The following C6orf136 variants were observed in gnomAD, a reference collection of about 807,000 sequenced individuals.
C6orf136 encodes the protein uncharacterized protein C6orf136.
C6orf136 carries 29 observed loss-of-function variants against 44.0 expected under a neutral mutation model. The observed-to-expected ratio is 0.66, with a 90% confidence interval of 0.49 to 0.90. The LOEUF is 0.90. Among genes scored for constraint, C6orf136 ranks in the 40% least tolerant of loss-of-function variants. The pLI is 0.00. For synonymous variants in C6orf136, 293 were observed against 278.6 expected (o/e 1.05, Z -0.52); for missense variants, 628 against 669.3 (o/e 0.94, Z 0.68).
chr6:30,653,013 G>A lies in C6orf136; in HGVS notation c.*98G>A, dbSNP rs1350336818. The A allele has an allele frequency of 2.5e-5, 30 of 1,208,512 alleles. No homozygotes were observed. The highest frequency in any genetic ancestry group is 3.5e-5 in the Non-Finnish European group (29 of 837,332). The allele number at this position is 1,208,512 out of a possible 1,614,324, so 74.9% of individuals were successfully genotyped here. A position where few individuals can be genotyped will look rare whatever the true frequency, so the allele number is the denominator to read the frequency against. On this transcript the variant is annotated 3_prime_UTR_variant, in exon 6 of 6. Coordinates refer to ENST00000651131, the MANE Select transcript of C6orf136 (RefSeq NM_001161376.2). ...TCTCAGGAGCCAGCTTCCTCTCCTCGTTTCTCTCCTTCCTTCCTTTCCATC... is the reference window on the plus strand; with the variant it reads ...TCTCAGGAGCCAGCTTCCTCTCCTCATTTCTCTCCTTCCTTCCTTTCCATC...
intron 3 of C6orf136, 33 bp from the exon 4 acceptor site, chr6:30,651,233 T>C (rs1767378206): frequency 6.2e-7 from 1 of 1,611,866 alleles, no homozygotes; most frequent in Non-Finnish European, 8.5e-7. Flanking sequence ...AATTCTGCCA[T>C]CATGAGATTT....
Position 30,649,575 on chromosome 6 carries a change from G to A in C6orf136, c.633G>A (p.Gly211=). The A allele has an allele frequency of 6.3e-7, 1 of 1,584,040 alleles. No homozygotes were observed. Among genetic ancestry groups the A allele is most frequent in the Non-Finnish European group, 8.5e-7 (1 of 1,172,566 alleles). The change falls in exon 2 of 6, where the codon GGG becomes GGA. Residue 211 remains glycine, a synonymous_variant. Coordinates refer to ENST00000651131, the MANE Select transcript of C6orf136 (RefSeq NM_001161376.2). ...CTCCTTAGGACCAGCTTTATCCAGG[G>A]ACTCTACCATTCCCACCCCTTTGGC... ...PSGTEDQLYP[G]TLPFPPLWPH...
intron 5 of C6orf136, 24 bp downstream of exon 5, chr6:30,652,741 G>C (rs1474740264): frequency 6.2e-7 from 1 of 1,612,682 alleles, no homozygotes; most frequent in African/African-American, 1.3e-5. Context: ...AGGGCTGGGT[G>C]GGGTAAAGGG....
chr6:30,650,101 T>A, intron 2 of C6orf136, 142 bp downstream of exon 2: 1 of 827,098 alleles, frequency 1.2e-6, no homozygotes, highest in Non-Finnish European at 1.8e-6. Flanking sequence ...CCTGAGAAAA[T>A]GATGTTCCAG....
intron 4 of C6orf136, 41 bp downstream of exon 4, chr6:30,651,507 C>CT: frequency 6.7e-7 from 1 of 1,502,358 alleles, no homozygotes; most frequent in Non-Finnish European, 9.0e-7. Context: ...ATAATCAGTT[C>CT]CTTTTTTTTT....
intron 1 of C6orf136, among the ~76,000 whole-genome samples, chr6:30,649,087 G>A (rs971564844): frequency 3.3e-5 from 5 of 152,160 alleles, no homozygotes; most frequent in Non-Finnish European, 5.9e-5. Flanking sequence ...TTGCTCGGCT[G>A]GGCGCGGTGG....
Position 30,651,337 on chromosome 6 carries a change from G to A in C6orf136, c.1178G>A (p.Arg393His), listed in dbSNP as rs888147200. 5.0e-6 allele frequency: 8 copies of A among 1,613,810 alleles called. No individual in the cohort carries two copies. The highest frequency in any genetic ancestry group is 1.7e-5 in the Admixed American group (1 of 59,982). Residue 393 changes from arginine (R) to histidine (H), a missense_variant, in exon 4 of 6, where the codon CGT becomes CAT. This residue lies in a region of C6orf136 where 131 missense variants were observed against 200.1 expected (regional missense o/e 0.65). Transcript: ENST00000651131. ...FLAWNYFAHL[R>H]LEVLQLTRHP... ...GCCTGGAATTATTTTGCACACCTTCGTTTGGAGGTTTTACAGCTGACCCGC... is the reference window on the plus strand; with the variant it reads ...GCCTGGAATTATTTTGCACACCTTCATTTGGAGGTTTTACAGCTGACCCGC...
chr6:30,651,016 CCCA>C lies in C6orf136; in HGVS notation c.1042_1044del (p.His348del). On this transcript the variant is annotated inframe_deletion, in exon 3 of 6. Coordinates refer to ENST00000651131, the MANE Select transcript of C6orf136 (RefSeq NM_001161376.2). ...TAGCTTCCCAAGCTCTTCCTTCAGTCCCACGACTACAGTCTGTATTCCTTGGAT... is the reference window on the plus strand; with the variant it reads ...TAGCTTCCCAAGCTCTTCCTTCAGTCCGACTACAGTCTGTATTCCTTGGAT... The C allele has an allele frequency of 1.9e-6, 3 of 1,613,850 alleles. No homozygotes were observed. The highest frequency in any genetic ancestry group is 3.3e-4 in the Middle Eastern group (2 of 6,062).
At chr6:30,651,202 T>C (rs1767374353) in intron 3 of C6orf136, 64 bp from the exon 4 acceptor site, 2 of 1,595,826 alleles carry the variant, frequency 1.3e-6, no homozygotes, top group Non-Finnish European at 1.7e-6. Flanking sequence ...CCCCATTCCT[T>C]AGAAGCCAGT....
rs1767000603 is a variant in C6orf136 at position 30,647,774 on chromosome 6, C to T, written c.543C>T (p.Pro181=). 3 of 1,544,438 alleles carry T rather than the reference C, an allele frequency of 1.9e-6. No individual in the cohort carries two copies. Among genetic ancestry groups the T allele is most frequent in the Non-Finnish European group, 1.7e-6 (2 of 1,145,230 alleles). The part of the protein sequence containing the change: ...EGRPVCTRFG[P]LRPGWQDGHA... ...GGCCAGTGTGCACCCGGTTCGGGCC[C>T]CTGCGCCCGGGCTGGCAAGATGGCC... The change falls in exon 1 of 6, where the codon CCC becomes CCT. Residue 181 remains proline (P), a synonymous_variant. Coordinates refer to ENST00000651131, the MANE Select transcript of C6orf136 (RefSeq NM_001161376.2). This position sits in a 1 kb window ranked among gnomAD's most constrained non-coding sequence, Gnocchi z 4.8.
intron 2 of C6orf136, 26 bp from the exon 3 acceptor site, chr6:30,650,968 G>T: frequency 6.5e-7 from 1 of 1,539,744 alleles, no homozygotes; most frequent in Non-Finnish European, 9.0e-7. Context: ...TTTCCCACTG[G>T]GTTGATGCCA....
In C6orf136 at chr6:30,652,644, C is replaced by G. The variant is rs961213191; in HGVS notation, c.1308-4C>G. On this transcript the variant is annotated splice_region_variant and splice_polypyrimidine_tract_variant and intron_variant, in intron 4 of 5. Transcript: ENST00000651131. ...CCCTCAGTAAGCCTCCCTCTATTCC[C>G]CAGGACCTATGATGCCTACTCCACT... 2.5e-6 allele frequency: 4 copies of G among 1,612,846 alleles called. No homozygotes were observed. Among genetic ancestry groups the G allele is most frequent in the East Asian group, 2.2e-5 (1 of 44,888 alleles).
chr6:30,647,457 G>C lies in C6orf136; in HGVS notation c.226G>C (p.Gly76Arg), dbSNP rs1766948568. Residue 76 changes from glycine to arginine, a missense_variant, in exon 1 of 6, where the codon GGG becomes CGG. By Grantham distance (125) the Gly-to-Arg change is moderately radical. Transcript: ENST00000651131. This position sits in a 1 kb window ranked among gnomAD's most constrained non-coding sequence, Gnocchi z 4.8. ...TCALQRVDRLGVAGAGGRRCR... is the reference protein window; with the variant it reads ...TCALQRVDRLRVAGAGGRRCR... ...TGCCCTGCAGCGCGTGGACAGGCTAGGGGTCGCGGGAGCGGGAGGGAGGCG... is the reference window on the plus strand; with the variant it reads ...TGCCCTGCAGCGCGTGGACAGGCTACGGGTCGCGGGAGCGGGAGGGAGGCG... 6.7e-7 allele frequency: 1 copy of C among 1,483,686 alleles called. No homozygotes were observed. Among genetic ancestry groups the C allele is most frequent in the Non-Finnish European group, 9.0e-7 (1 of 1,111,476 alleles). The allele number at this position is 1,483,686 out of a possible 1,614,324, so 91.9% of individuals were successfully genotyped here. A position where few individuals can be genotyped will look rare whatever the true frequency, so the allele number is the denominator to read the frequency against.
chr6:30,653,178 A>G lies in C6orf136; in HGVS notation c.*263A>G, dbSNP rs1767614033. ...TTTATTCCAAAAATAATTTTATTTA[A>G]TAGGTATTAAATAATGTATAGAAGG... On this transcript the variant is annotated 3_prime_UTR_variant, in exon 6 of 6. Coordinates refer to ENST00000651131, the MANE Select transcript of C6orf136 (RefSeq NM_001161376.2). 6.5e-7 allele frequency: 1 copy of G among 1,531,484 alleles called. No individual in the cohort carries two copies. Among genetic ancestry groups the G allele is most frequent in the African/African-American group, 1.4e-5 (1 of 71,368 alleles). 94.9% of individuals were successfully genotyped at this position (1,531,484 alleles called of 1,614,324 possible).
In C6orf136 at chr6:30,653,180, A is replaced by G; in HGVS notation, c.*265A>G. On this transcript the variant is annotated 3_prime_UTR_variant, in exon 6 of 6. Transcript: ENST00000651131. The stretch of plus-strand genomic sequence containing the variant: ...TATTCCAAAAATAATTTTATTTAAT[A>G]GGTATTAAATAATGTATAGAAGGAA... The G allele has an allele frequency of 1.3e-6, 2 of 1,532,358 alleles. No homozygotes were observed. The highest frequency in any genetic ancestry group is 2.2e-5 in the Admixed American group (1 of 46,044). The allele number at this position is 1,532,358 out of a possible 1,614,324, so 94.9% of individuals were successfully genotyped here.
rs1321101815 is a variant in C6orf136, at chr6:30,649,901, C to T, written c.959C>T (p.Ser320Leu). The T allele has an allele frequency of 1.2e-6, 2 of 1,614,002 alleles. No homozygotes were observed. Among genetic ancestry groups the T allele is most frequent in the South Asian group, 2.2e-5 (2 of 91,086 alleles). ...GTAHPSPATP[S>L]GDPSMEEHLS... ...GCCCACCCTTCCCCTGCCACCCCGT[C>T]AGGAGATCCTAGTATGGAGGAACAT... The change falls in exon 2 of 6, where the codon TCA becomes TTA. Residue 320 changes from serine to leucine, a missense_variant. Around this residue, in one of 2 missense-constraint regions of C6orf136, gnomAD observed 497 missense variants for 469.2 expected, o/e 1.06. Transcript: ENST00000651131.
In C6orf136 at chr6:30,651,075, C is replaced by G. The variant is rs765292120; in HGVS notation, c.1099C>G (p.Arg367Gly). Residue 367 changes from arginine to glycine, a missense_variant, in exon 3 of 6, where the codon CGT becomes GGT. This residue lies in a region of C6orf136 where 131 missense variants were observed against 200.1 expected (regional missense o/e 0.65). Transcript: ENST00000651131. The stretch of plus-strand genomic sequence containing the variant: ...ATTCATCAATGAGATCCTCAACATA[C>G]GTACCAAGTGAGAATTGGGGCACAG... ...VEFINEILNIRTKGRTWYILS... is the reference protein window; with the variant it reads ...VEFINEILNIGTKGRTWYILS... 4 of 1,613,214 alleles carry G rather than the reference C, an allele frequency of 2.5e-6. No homozygotes were observed. In the East Asian group the frequency reaches 8.9e-5, roughly 36 times the overall value.
rs758269515 is a variant in C6orf136 at position 30,650,256 on chromosome 6, TGGTG to T, written c.1017+299_1017+302del. Among the ~76,000 whole-genome samples, 54 of 151,168 alleles carry T rather than the reference TGGTG, an allele frequency of 3.6e-4. 1 individual carries two copies. The highest frequency in any genetic ancestry group is 2.1e-4 in the South Asian group (1 of 4,782). ...TAAAAACACAAAAATCAGCCAGGCA[TGGTG>T]GCAGACGCCTATAATCCCAGCTACT... is the stretch of plus-strand genomic sequence containing the variant. On this transcript the variant is annotated intron_variant, in intron 2 of 5. Transcript: ENST00000651131.
intron 2 of C6orf136, among the ~76,000 whole-genome samples, 161 bp downstream of exon 2, chr6:30,650,120 G>A (rs1237740174): frequency 6.6e-6 from 1 of 152,090 alleles, no homozygotes; most frequent in Admixed American, 6.6e-5. Flanking sequence ...AGCCAGGCAC[G>A]GTGGCTCAAA....
Sources: gnomAD v4.1 joint callset for allele counts (sites outside exome capture counted in the v4.1 genomes callset) on GRCh38, gnomAD v4.1.1 for gene constraint, gnomAD v4.1.1 regional missense constraint, Gnocchi (gnomAD v3.1) non-coding constraint, MANE v1.5 for transcripts, NCBI Gene and HGNC (gene_info 2026-07-23, HGNC 2026-07-21) for gene names.